KIF2A: variants seen among roughly 807,000 people sequenced by gnomAD.
The protein encoded by KIF2A is kinesin-like protein KIF2A.
Under a neutral mutation model 100.2 loss-of-function variants are expected in KIF2A, and 22 were observed. The ratio of observed to expected loss-of-function variants is 0.22; its 90% confidence interval spans 0.16 to 0.31. The LOEUF is 0.31. KIF2A is among the 10% of genes least tolerant of loss of function. The probability of loss-of-function intolerance (pLI) is 1.00; values close to 1 mark genes in which losing one functional copy is unlikely to be tolerated. For synonymous variants in KIF2A, 268 were observed against 285.9 expected (o/e 0.94, Z 0.63); for missense variants, 495 against 898.7 (o/e 0.55, Z 5.74).
intron 1 of KIF2A, among the ~76,000 whole-genome samples, chr5:62,321,138 CCATTT>C (rs778656038): frequency 3.3e-4 from 50 of 152,142 alleles, no homozygotes; most frequent in Non-Finnish European, 5.6e-4. Flanking sequence ...GAATAATATT[CCATTT>C]CATTTCATTT....
chr5:62,351,107 C>T (rs111251133), intron 4 of KIF2A, among the ~76,000 whole-genome samples: 6,566 of 151,784 alleles, frequency 0.043, 450 homozygotes, highest in African/African-American at 0.15. Context: ...TGACACATAC[C>T]TGTAGTCTCA....
intron 1 of KIF2A, 94 bp downstream of exon 1, chr5:62,306,630 C>T: frequency 9.6e-7 from 1 of 1,040,958 alleles, no homozygotes; most frequent in South Asian, 1.5e-5. Flanking sequence ...TTGATTGCTT[C>T]GCCGGGCTGT....
chr5:62,360,025 C>G (rs905219509), intron 9 of KIF2A, among the ~76,000 whole-genome samples: 2 of 150,056 alleles, frequency 1.3e-5, no homozygotes, highest in African/African-American at 4.9e-5. Flanking sequence ...GAGTTTTGCT[C>G]TTGTCGCCCA....
At chr5:62,379,551 A>C (rs562901600) in intron 19 of KIF2A, among the ~76,000 whole-genome samples, 6 of 152,024 alleles carry the variant, frequency 3.9e-5, no homozygotes, top group Non-Finnish European at 7.4e-5. Context: ...AATCCCAGCT[A>C]CTTGGGAGGC....
At chr5:62,361,730 A>G (rs966914448) in intron 11 of KIF2A, among the ~76,000 whole-genome samples, 5 of 151,248 alleles carry the variant, frequency 3.3e-5, no homozygotes, top group Non-Finnish European at 5.9e-5. Context: ...TTAAGAAGAC[A>G]AGAACTGTAG....
chr5:62,362,558 T>C lies in KIF2A; in HGVS notation c.1119+17T>C, dbSNP rs754362401. ...AGTGGAAAGGTAAGTGGGAACTTTT[T>C]TAATTTTAATTTTTTAAAATATATA... On this transcript the variant is annotated intron_variant, in intron 12 of 20. Coordinates refer to ENST00000407818, the MANE Select transcript of KIF2A (RefSeq NM_001098511.3). 26 of 1,161,984 alleles carry C rather than the reference T, an allele frequency of 2.2e-5. No homozygotes were observed. Among genetic ancestry groups the C allele is most frequent in the Non-Finnish European group, 2.9e-5 (25 of 864,900 alleles). The allele number at this position is 1,161,984 out of a possible 1,614,324, so 72.0% of individuals were successfully genotyped here. A position where few individuals can be genotyped will look rare whatever the true frequency, so the allele number is the denominator to read the frequency against.
At chr5:62,362,585 A>AAT in intron 12 of KIF2A, 44 bp downstream of exon 12, 1 of 833,808 alleles carries the variant, frequency 1.2e-6, no homozygotes, top group Non-Finnish European at 1.7e-6. Flanking sequence ...AAATATATAT[A>AAT]TAACATAACA....
intron 1 of KIF2A, among the ~76,000 whole-genome samples, chr5:62,340,894 A>G (rs1198806035): frequency 6.6e-6 from 1 of 152,210 alleles, no homozygotes; most frequent in Non-Finnish European, 1.5e-5. Flanking sequence ...ATTAAAAAAT[A>G]TTTAAAGTCA....
chr5:62,312,252 A>G (rs761665380), intron 1 of KIF2A, among the ~76,000 whole-genome samples: 6 of 152,230 alleles, frequency 3.9e-5, no homozygotes, highest in Non-Finnish European at 7.3e-5. Context: ...GGGAAAGGCT[A>G]TGTGTCAACT....
At chr5:62,358,657 T>C (rs1216382066) in intron 9 of KIF2A, among the ~76,000 whole-genome samples, 1 of 152,236 alleles carries the variant, frequency 6.6e-6, no homozygotes, top group Non-Finnish European at 1.5e-5. Flanking sequence ...TTTTAATCTC[T>C]GTACTAATAA....
chr5:62,384,565 C>T (rs1031002398), intron 20 of KIF2A, among the ~76,000 whole-genome samples: 1 of 152,186 alleles, frequency 6.6e-6, no homozygotes, highest in Non-Finnish European at 1.5e-5. Context: ...TGTCTCTAGA[C>T]ATTACCAAAT....
intron 16 of KIF2A, among the ~76,000 whole-genome samples, 180 bp from the exon 17 acceptor site, chr5:62,372,257 AC>A (rs1474979392): frequency 1.3e-5 from 2 of 152,240 alleles, no homozygotes; most frequent in Admixed American, 6.5e-5. Flanking sequence ...GATCAATAGA[AC>A]AAAGATGTTC....
chr5:62,381,285 C>T, intron 20 of KIF2A, 32 bp downstream of exon 20: 1 of 1,592,498 alleles, frequency 6.3e-7, no homozygotes, highest in East Asian at 2.2e-5. Flanking sequence ...TGTTTGAAAT[C>T]TGATTGGTAT....
intron 4 of KIF2A, 75 bp from the exon 5 acceptor site, chr5:62,352,513 A>C: frequency 8.7e-7 from 1 of 1,143,496 alleles, no homozygotes; most frequent in South Asian, 1.8e-5. Context: ...TTTGGGGGCT[A>C]TCTCTTCCTT....
chr5:62,375,681 C>T (rs558389857), intron 18 of KIF2A, among the ~76,000 whole-genome samples: 1 of 152,262 alleles, frequency 6.6e-6, no homozygotes, highest in South Asian at 2.1e-4. Context: ...TACCATGTTC[C>T]AAATCACTGT....
chr5:62,375,131 T>C (rs1276215442), intron 18 of KIF2A, among the ~76,000 whole-genome samples: 3 of 152,188 alleles, frequency 2.0e-5, no homozygotes, highest in Non-Finnish European at 4.4e-5. Flanking sequence ...TACATGCCCA[T>C]TGTATAAGGA....
At chr5:62,370,766 G>A (rs1043505765) in intron 16 of KIF2A, among the ~76,000 whole-genome samples, 1 of 152,204 alleles carries the variant, frequency 6.6e-6, no homozygotes, top group Non-Finnish European at 1.5e-5. Flanking sequence ...GAGTGATTGG[G>A]TCTTGGGTAG....
chr5:62,308,532 T>C (rs1440284996), intron 1 of KIF2A: 1 of 703,712 alleles, frequency 1.4e-6, no homozygotes, highest in African/African-American at 1.7e-5. Context: ...GCTAAAGAAA[T>C]TATGTGTGTG....
In KIF2A at chr5:62,347,158, T is replaced by C; in HGVS notation, c.93T>C (p.Ser31=). 6.2e-7 allele frequency: 1 copy of C among 1,604,508 alleles called. No individual in the cohort carries two copies. Among genetic ancestry groups the C allele is most frequent in the African/African-American group, 1.3e-5 (1 of 74,904 alleles). The change falls in exon 2 of 21, where the codon TCT becomes TCC. Residue 31 remains serine, a synonymous_variant. Coordinates refer to ENST00000407818, the MANE Select transcript of KIF2A (RefSeq NM_001098511.3). ...GAATACATCAAGCAATGGTAACATCTTTAAATGAAGATAATGAAAGTGTAA... is the reference window on the plus strand; with the variant it reads ...GAATACATCAAGCAATGGTAACATCCTTAAATGAAGATAATGAAAGTGTAA... ...DGRIHQAMVT[S]LNEDNESVTV...
Sources: allele counts gnomAD v4.1 joint callset (sites outside exome capture counted in the v4.1 genomes callset), GRCh38; gene constraint gnomAD v4.1.1; transcripts MANE v1.5; gene names NCBI Gene and HGNC (gene_info 2026-07-23, HGNC 2026-07-21).